The following WDR33 variants were observed in gnomAD, a reference collection of about 807,000 sequenced individuals.
The protein encoded by WDR33 is pre-mRNA 3' end processing protein WDR33.
Under a neutral mutation model 164.9 loss-of-function variants are expected in WDR33, and 47 were observed. That is an observed-to-expected ratio of 0.29 (90% confidence interval 0.23 to 0.36). The LOEUF (loss-of-function observed/expected upper bound fraction) is 0.36. Among genes scored for constraint, WDR33 ranks in the 10% least tolerant of loss-of-function variants. WDR33 has a pLI of 1.00. For missense variants in WDR33, 1,137 were observed against 1,754.1 expected, an observed-to-expected ratio of 0.65 and a Z score of 6.28; for synonymous variants, 505 against 589.0, an observed-to-expected ratio of 0.86 and a Z score of 2.06.
In WDR33 at chr2:127,737,862, C is replaced by T. The variant is rs528709893; in HGVS notation, c.725-11085G>A. On this transcript the variant is annotated intron_variant, in intron 7 of 21. Coordinates refer to ENST00000322313, the MANE Select transcript of WDR33 (RefSeq NM_018383.5). ...AGAAACATAAAAGCAACAAATAATCCGTGTCAAAGTAGAAGAGTAGTTAAC... is the reference window on the plus strand; with the variant it reads ...AGAAACATAAAAGCAACAAATAATCTGTGTCAAAGTAGAAGAGTAGTTAAC... 130 of 1,395,862 alleles carry T rather than the reference C, an allele frequency of 9.3e-5. 1 individual carries two copies. The Middle Eastern group carries it at 1.3e-3, about 14-fold the overall frequency. The allele number at this position is 1,395,862 out of a possible 1,614,324, so 86.5% of individuals were successfully genotyped here.
At chr2:127,756,187 A>G (rs1687513654) in intron 7 of WDR33, among the ~76,000 whole-genome samples, 1 of 152,070 alleles carries the variant, frequency 6.6e-6, no homozygotes, top group African/African-American at 2.4e-5. Flanking sequence ...TACAAAAATT[A>G]GCTGGGTCTT....
At chr2:127,751,474 C>T (rs1159590774) in intron 7 of WDR33, among the ~76,000 whole-genome samples, 2 of 148,584 alleles carry the variant, frequency 1.3e-5, no homozygotes, top group Non-Finnish European at 3.0e-5. Flanking sequence ...TGGCTTAGGG[C>T]CAGGAGTTTG....
Position 127,724,300 on chromosome 2 carries a change from T to A in WDR33, c.1196+33A>T, listed in dbSNP as rs763946912. On this transcript the variant is annotated intron_variant, in intron 11 of 21. Coordinates refer to ENST00000322313, the MANE Select transcript of WDR33 (RefSeq NM_018383.5). This position sits in a 1 kb window ranked among gnomAD's most constrained non-coding sequence, Gnocchi z 4.8. ...ACAGTATTTATTTCCTGTTGCTCCA[T>A]ATAAAGCTTTGCTATTTCAATATAA... 6.5e-7 allele frequency: 1 copy of A among 1,534,948 alleles called. No individual in the cohort carries two copies. The highest frequency in any genetic ancestry group is 2.2e-5 in the East Asian group (1 of 44,462).
intron 1 of WDR33, among the ~76,000 whole-genome samples, chr2:127,797,287 T>C (rs1001601904): frequency 6.6e-6 from 1 of 151,902 alleles, no homozygotes; most frequent in African/African-American, 2.4e-5. Flanking sequence ...AGGTCAGAAG[T>C]TCGATACCAG....
intron 1 of WDR33, among the ~76,000 whole-genome samples, chr2:127,783,686 C>T (rs1213517846): frequency 1.4e-5 from 2 of 142,206 alleles, no homozygotes; most frequent in Non-Finnish European, 1.5e-5. Flanking sequence ...CTCACTGCGA[C>T]CTCCGCCTCC....
In WDR33 at chr2:127,702,051, G is replaced by A; in HGVS notation, c.*4272C>T. The A allele has an allele frequency of 1.6e-6, 2 of 1,227,294 alleles. No homozygotes were observed. Among genetic ancestry groups the A allele is most frequent in the Non-Finnish European group, 1.0e-6 (1 of 986,732 alleles). The allele number at this position is 1,227,294 out of a possible 1,614,324, so 76.0% of individuals were successfully genotyped here. ...GCTGCTCACGGTGCTGGGCGCGGGC[G>A]CGCAGGTGGCCGCGCTGCTGGCCGC... On this transcript the variant is annotated 3_prime_UTR_variant, in exon 22 of 22. Coordinates refer to ENST00000322313, the MANE Select transcript of WDR33 (RefSeq NM_018383.5).
chr2:127,740,044 T>A (rs1167840787), intron 7 of WDR33, among the ~76,000 whole-genome samples: 4 of 152,196 alleles, frequency 2.6e-5, no homozygotes, highest in Admixed American at 1.3e-4. Flanking sequence ...TGTTTTTTTT[T>A]AAGAAAGACA....
chr2:127,715,134 C>G (rs1686269872), intron 17 of WDR33, among the ~76,000 whole-genome samples: 1 of 146,780 alleles, frequency 6.8e-6, no homozygotes, highest in East Asian at 2.0e-4. Context: ...ACTCTGTCAC[C>G]AGGCTGGAAT....
intron 1 of WDR33, among the ~76,000 whole-genome samples, chr2:127,795,657 TAAA>T (rs113988239): frequency 8.4e-5 from 11 of 130,568 alleles, no homozygotes; most frequent in Non-Finnish European, 8.3e-5. Context: ...CTCCTTTCTA[TAAA>T]AAAAAAAAAA....
chr2:127,721,727 G>A lies in WDR33; in HGVS notation c.1671+109C>T. ...ATAGCAACAGGAAATGGCGGTGTTT[G>A]TCAGACCATGGGAGAGCCCCTTCCC... On this transcript the variant is annotated intron_variant, in intron 15 of 21. Coordinates refer to ENST00000322313, the MANE Select transcript of WDR33 (RefSeq NM_018383.5). The surrounding 1 kb of genome is among the most constrained non-coding windows in gnomAD (Gnocchi z 4.9). 8.5e-7 allele frequency: 1 copy of A among 1,182,884 alleles called. No individual in the cohort carries two copies. The highest frequency in any genetic ancestry group is 1.2e-6 in the Non-Finnish European group (1 of 868,832). 73.3% of individuals were successfully genotyped at this position (1,182,884 alleles called of 1,614,324 possible).
intron 1 of WDR33, among the ~76,000 whole-genome samples, chr2:127,801,177 G>A (rs770148924): frequency 6.6e-6 from 1 of 151,944 alleles, no homozygotes; most frequent in Non-Finnish European, 1.5e-5. Flanking sequence ...CCAGCCGCTC[G>A]GGAGGCTAAG....
chr2:127,779,783 C>A (rs937795804), intron 1 of WDR33, among the ~76,000 whole-genome samples: 1 of 152,136 alleles, frequency 6.6e-6, no homozygotes, highest in Admixed American at 6.6e-5. Context: ...AGCTATGGTA[C>A]CAGAATTTGA....
intron 1 of WDR33, among the ~76,000 whole-genome samples, chr2:127,783,394 A>C (rs372232020): frequency 3.9e-5 from 6 of 152,266 alleles, no homozygotes; most frequent in African/African-American, 1.4e-4. Flanking sequence ...TTTTTTGTCA[A>C]GTTTTCAGTG....
At chr2:127,742,775 C>T (rs1300903457) in intron 7 of WDR33, among the ~76,000 whole-genome samples, 1 of 149,514 alleles carries the variant, frequency 6.7e-6, no homozygotes, top group African/African-American at 2.5e-5. Flanking sequence ...AAAGAAAAAT[C>T]CTTTAAATGG....
rs1364678039 is a variant in WDR33, at chr2:127,705,583, T to TC, written c.*739_*740insG. ...AAGGCGATTCAAACCTAAACTGTGA[T>TC]TCTTAGGAGATGCTTCCAAGGGGAA... On this transcript the variant is annotated 3_prime_UTR_variant, in exon 22 of 22. Transcript: ENST00000322313. This position sits in a 1 kb window ranked among gnomAD's most constrained non-coding sequence, Gnocchi z 4.5. 2.0e-5 allele frequency: 3 copies of TC among 152,238 alleles called. No homozygotes were observed. The highest frequency in any genetic ancestry group is 7.2e-5 in the African/African-American group (3 of 41,466). 9.4% of individuals were successfully genotyped at this position (152,238 alleles called of 1,614,324 possible).
At chr2:127,777,023 T>A (rs1342239138) in intron 1 of WDR33, among the ~76,000 whole-genome samples, 3 of 151,942 alleles carry the variant, frequency 2.0e-5, no homozygotes, top group African/African-American at 7.3e-5. Context: ...ACATCCAGGG[T>A]GGAGAGGGAG....
intron 1 of WDR33, among the ~76,000 whole-genome samples, chr2:127,788,118 G>A (rs1282775933): frequency 1.0e-5 from 1 of 96,700 alleles, no homozygotes; most frequent in Non-Finnish European, 2.1e-5. Context: ...CGGGCTGAGG[G>A]GCTCCTCACT....
At chr2:127,768,798 T>C (rs1573933893) in intron 3 of WDR33, 135 bp downstream of exon 3, 1 of 556,592 alleles carries the variant, frequency 1.8e-6, no homozygotes, top group East Asian at 4.3e-5. Flanking sequence ...TGTGTTATAT[T>C]ATCCCTTTGG....
At chr2:127,753,326 T>C (rs372180479) in intron 7 of WDR33, among the ~76,000 whole-genome samples, 4 of 152,248 alleles carry the variant, frequency 2.6e-5, no homozygotes, top group African/African-American at 9.6e-5. Context: ...TTTAAACAAG[T>C]AGTCATATTT....
Sources: gnomAD v4.1 joint callset for allele counts (sites outside exome capture counted in the v4.1 genomes callset) on GRCh38, gnomAD v4.1.1 for gene constraint, Gnocchi (gnomAD v3.1) non-coding constraint, MANE v1.5 for transcripts, NCBI Gene and HGNC (gene_info 2026-07-23, HGNC 2026-07-21) for gene names.